The following GNAL variants were observed in gnomAD, a reference collection of about 807,000 sequenced individuals.
GNAL encodes the protein G protein subunit alpha L.
In GNAL, 18 loss-of-function variants were observed where a neutral mutation model predicts 55.1. The observed-to-expected ratio is 0.33, with a 90% CI of 0.23 to 0.48. The LOEUF is 0.48. GNAL is among the 20% of genes least tolerant of loss of function. The probability of loss-of-function intolerance (pLI) is 0.99; values close to 1 mark genes in which losing one functional copy is unlikely to be tolerated. For missense variants in GNAL, 412 were observed against 614.1 expected, an observed-to-expected ratio of 0.67 and a Z score of 3.48; for synonymous variants, 253 against 237.0, an observed-to-expected ratio of 1.07 and a Z score of -0.62.
At chr18:11,744,784 C>T (rs1270970290) in intron 1 of GNAL, among the ~76,000 whole-genome samples, 4 of 152,244 alleles carry the variant, frequency 2.6e-5, no homozygotes, top group Non-Finnish European at 5.9e-5. Context: ...AAACATGACT[C>T]ACTGCAGCCT....
At chr18:11,738,157 T>C (rs1192715811) in intron 1 of GNAL, among the ~76,000 whole-genome samples, 24 of 152,140 alleles carry the variant, frequency 1.6e-4, no homozygotes, top group Admixed American at 1.6e-3. Context: ...TTCCAGGCTT[T>C]CTCTCTTCTA....
chr18:11,709,330 TAAAA>T (rs56700086), intron 1 of GNAL, among the ~76,000 whole-genome samples: 3 of 138,362 alleles, frequency 2.2e-5, no homozygotes, highest in African/African-American at 5.3e-5. Context: ...TCTATTTTTG[TAAAA>T]AAAAAAAAAA....
chr18:11,758,153 A>G (rs769981253), intron 4 of GNAL, among the ~76,000 whole-genome samples: 61 of 152,200 alleles, frequency 4.0e-4, no homozygotes, highest in Non-Finnish European at 2.4e-4. Flanking sequence ...CTCGAGAAGA[A>G]TGGGGTCCGG....
At chr18:11,780,166 T>G (rs1270671832) in intron 4 of GNAL, among the ~76,000 whole-genome samples, 3 of 152,172 alleles carry the variant, frequency 2.0e-5, no homozygotes, top group Non-Finnish European at 4.4e-5. Context: ...TTTTTAATTT[T>G]TTTAACCTCT....
chr18:11,820,368 T>C (rs543968413), intron 4 of GNAL, among the ~76,000 whole-genome samples: 1 of 152,332 alleles, frequency 6.6e-6, no homozygotes, highest in African/African-American at 2.4e-5. Flanking sequence ...TTAAGAAGCT[T>C]CACTGGCTGG....
chr18:11,705,727 A>G (rs2031692944), intron 1 of GNAL, among the ~76,000 whole-genome samples: 1 of 145,454 alleles, frequency 6.9e-6, no homozygotes, highest in Non-Finnish European at 1.5e-5. Flanking sequence ...AGCTTTTCAT[A>G]TACCTGCTGG....
Position 11,752,379 on chromosome 18 carries a change from CTA to C in GNAL, c.377-472_377-471del, listed in dbSNP as rs1481002581. On this transcript the variant is annotated intron_variant, in intron 1 of 11. Coordinates refer to ENST00000334049, the MANE Select transcript of GNAL (RefSeq NM_182978.4). This position sits in a 1 kb window ranked among gnomAD's most constrained non-coding sequence, Gnocchi z 4.5. ...AGGAGCCGCACACGTCTCCAACTCT[CTA>C]TTGCTTTTTGCGCACATTCCTAACT... 2 of 1,570,586 alleles carry C rather than the reference CTA, an allele frequency of 1.3e-6. No individual in the cohort carries two copies. The highest frequency in any genetic ancestry group is 1.2e-5 in the South Asian group (1 of 86,198).
chr18:11,792,095 C>T (rs986480074), intron 4 of GNAL, among the ~76,000 whole-genome samples: 2 of 152,136 alleles, frequency 1.3e-5, no homozygotes, highest in African/African-American at 4.8e-5. Context: ...TGGCCACTTC[C>T]TGTGGCTTTC....
chr18:11,874,941 C>A (rs1220230704), intron 10 of GNAL, among the ~76,000 whole-genome samples: 2 of 151,902 alleles, frequency 1.3e-5, no homozygotes, highest in Non-Finnish European at 2.9e-5. Flanking sequence ...ACACACCCTG[C>A]AACAGAGAAG....
At chr18:11,753,510 G>T in intron 2 of GNAL, 118 bp from the exon 3 acceptor site, 2 of 672,694 alleles carry the variant, frequency 3.0e-6, no homozygotes, top group Non-Finnish European at 5.3e-6. Context: ...GGTTGATACT[G>T]ACCTCTAGTG....
intron 11 of GNAL, among the ~76,000 whole-genome samples, chr18:11,878,167 C>T (rs1398307419): frequency 1.3e-5 from 2 of 152,166 alleles, no homozygotes; most frequent in Non-Finnish European, 2.9e-5. Flanking sequence ...TAGAAACATC[C>T]AGGCCGGATG....
chr18:11,836,222 G>A (rs60143718), intron 5 of GNAL, among the ~76,000 whole-genome samples: 2,859 of 152,052 alleles, frequency 0.019, 88 homozygotes, highest in African/African-American at 0.066. Context: ...CGAGGTGGGC[G>A]GATCCCCTGA....
At chr18:11,790,241 C>T (rs1216409305) in intron 4 of GNAL, among the ~76,000 whole-genome samples, 1 of 152,094 alleles carries the variant, frequency 6.6e-6, no homozygotes, top group Non-Finnish European at 1.5e-5. Flanking sequence ...AGCCCTGCCC[C>T]TGGGGTCTCT....
intron 6 of GNAL, among the ~76,000 whole-genome samples, chr18:11,863,078 C>T (rs1402564211): frequency 6.6e-6 from 1 of 152,114 alleles, no homozygotes; most frequent in African/African-American, 2.4e-5. Context: ...AGGGTTTTGC[C>T]ATGTTGGCCA....
intron 1 of GNAL, among the ~76,000 whole-genome samples, chr18:11,733,452 G>A (rs1034780761): frequency 6.6e-6 from 1 of 151,958 alleles, no homozygotes; most frequent in African/African-American, 2.4e-5. Flanking sequence ...GGAGCTAAAC[G>A]GCAGCAAGGT....
intron 4 of GNAL, among the ~76,000 whole-genome samples, chr18:11,755,502 C>G (rs2033022725): frequency 6.6e-6 from 1 of 152,182 alleles, no homozygotes; most frequent in African/African-American, 2.4e-5. Flanking sequence ...GTCTCGATCT[C>G]CTGACCTCAT....
intron 1 of GNAL, among the ~76,000 whole-genome samples, chr18:11,700,581 T>TCTCTTCAA (rs988565503): frequency 6.6e-6 from 1 of 152,222 alleles, no homozygotes; most frequent in African/African-American, 2.4e-5. Flanking sequence ...GTTAGACAGC[T>TCTCTTCAA]CTCTTCAACC....
At chr18:11,805,308 C>T (rs1431761062) in intron 4 of GNAL, among the ~76,000 whole-genome samples, 2 of 152,046 alleles carry the variant, frequency 1.3e-5, no homozygotes, top group East Asian at 1.9e-4. Context: ...TTGAATGGAA[C>T]ATGGAGATAC....
intron 4 of GNAL, among the ~76,000 whole-genome samples, chr18:11,798,827 G>C (rs541063287): frequency 6.6e-6 from 1 of 152,026 alleles, no homozygotes; most frequent in Non-Finnish European, 1.5e-5. Flanking sequence ...TTTAACATAC[G>C]TTAAATGGGG....
Sources: allele counts gnomAD v4.1 joint callset (sites outside exome capture counted in the v4.1 genomes callset), GRCh38; gene constraint gnomAD v4.1.1; non-coding constraint Gnocchi (gnomAD v3.1); transcripts MANE v1.5; gene names NCBI Gene and HGNC (gene_info 2026-07-23, HGNC 2026-07-21).